Variants in MAMDC2 observed in about 807,000 individuals in gnomAD.
The protein encoded by MAMDC2 is MAM domain containing 2, also known as MAM domain-containing protein 2.
A neutral mutation model predicts 89.8 loss-of-function variants in MAMDC2; 57 were observed. The observed-to-expected ratio is 0.63, with a 90% CI of 0.51 to 0.79. The LOEUF is 0.79. MAMDC2 is among the 30% of genes least tolerant of loss of function. The pLI is 0.00. For missense variants in MAMDC2, 800 were observed against 820.6 expected (o/e 0.97, Z 0.31); for synonymous variants, 313 against 293.4 (o/e 1.07, Z -0.68).
chr9:70,139,801 A>G (rs1243959421), intron 7 of MAMDC2, among the ~76,000 whole-genome samples: 1 of 152,100 alleles, frequency 6.6e-6, no homozygotes, highest in African/African-American at 2.4e-5. Flanking sequence ...TGACTTTTTA[A>G]TGATCGCCAT....
rs2118711615 is a variant in MAMDC2 at position 70,226,897 on chromosome 9, G to A, written c.*865G>A. On this transcript the variant is annotated 3_prime_UTR_variant, in exon 14 of 14. Coordinates refer to ENST00000377182, the MANE Select transcript of MAMDC2 (RefSeq NM_153267.5). ...CTTTTATTTACTTGTTTAGAAAATT[G>A]TATATATATGTTTGTGTATCCTAAC... is the stretch of plus-strand genomic sequence containing the variant. 6.6e-6 allele frequency: 1 copy of A among 152,022 alleles called. No homozygotes were observed. The highest frequency in any genetic ancestry group is 2.4e-5 in the African/African-American group (1 of 41,504). The allele number at this position is 152,022 out of a possible 1,614,324, so 9.4% of individuals were successfully genotyped here.
chr9:70,186,337 A>G (rs1414937995), intron 11 of MAMDC2, among the ~76,000 whole-genome samples: 1 of 76,104 alleles, frequency 1.3e-5, no homozygotes, highest in East Asian at 4.4e-4. Context: ...TTTTTGGTGC[A>G]TGTCTGCTGC....
intron 11 of MAMDC2, among the ~76,000 whole-genome samples, chr9:70,182,683 T>C (rs1260580417): frequency 1.3e-5 from 2 of 152,222 alleles, no homozygotes; most frequent in Non-Finnish European, 2.9e-5. Context: ...TTTGTATTTC[T>C]GTAGGATCAG....
At chr9:70,139,390 G>A (rs2031121801) in intron 7 of MAMDC2, among the ~76,000 whole-genome samples, 1 of 147,028 alleles carries the variant, frequency 6.8e-6, no homozygotes, top group African/African-American at 2.5e-5. Context: ...TTGTCCTTGC[G>A]ATAGTTTACT....
At chr9:70,136,438 C>T (rs907053472) in intron 7 of MAMDC2, among the ~76,000 whole-genome samples, 1 of 152,164 alleles carries the variant, frequency 6.6e-6, no homozygotes, top group African/African-American at 2.4e-5. Flanking sequence ...TATCTACTCA[C>T]CTACTGAAGG....
At chr9:70,137,499 T>G (rs144931498) in intron 7 of MAMDC2, among the ~76,000 whole-genome samples, 65 of 152,284 alleles carry the variant, frequency 4.3e-4, no homozygotes, top group Middle Eastern at 3.4e-3. Context: ...AGATATGTGT[T>G]CTTCTGGACC....
At chr9:70,085,254 C>CAT (rs1309017220) in intron 2 of MAMDC2, among the ~76,000 whole-genome samples, 1 of 152,036 alleles carries the variant, frequency 6.6e-6, no homozygotes, top group African/African-American at 2.4e-5. Flanking sequence ...ACCGTGGGGG[C>CAT]ATAGACACCG....
chr9:70,194,390 T>C (rs1242228198), intron 11 of MAMDC2: 1 of 152,070 alleles, frequency 6.6e-6, no homozygotes, highest in Non-Finnish European at 1.5e-5. Context: ...CCCTTGTGAA[T>C]GGGATTGAGG....
chr9:70,217,087 T>TA lies in MAMDC2; in HGVS notation c.1652-1245dup, dbSNP rs59139022. On this transcript the variant is annotated intron_variant, in intron 11 of 13. Transcript: ENST00000377182. ...TGTTTCTGCCTGAAGCCAATAAATT[T>TA]AAAAATAGCAATAAAATAAAATTAG... 2.2e-3 allele frequency: 1,099 copies of TA among 507,414 alleles called. 7 individuals carry two copies. Among genetic ancestry groups the TA allele is most frequent in the African/African-American group, 0.02 (1,017 of 52,092 alleles). 31.4% of individuals were successfully genotyped at this position (507,414 alleles called of 1,614,324 possible).
chr9:70,141,127 G>A (rs969139107), intron 8 of MAMDC2, among the ~76,000 whole-genome samples: 1 of 152,156 alleles, frequency 6.6e-6, no homozygotes, highest in Admixed American at 6.5e-5. Flanking sequence ...GCCTGAGAAA[G>A]GCCTTGAAAG....
intron 5 of MAMDC2, among the ~76,000 whole-genome samples, chr9:70,121,780 G>C (rs1392119246): frequency 6.6e-6 from 1 of 151,478 alleles, no homozygotes; most frequent in Non-Finnish European, 1.5e-5. Flanking sequence ...CCAGATAGGA[G>C]TGTTGGGTTC....
At chr9:70,107,148 C>T (rs1311500661) in intron 2 of MAMDC2, among the ~76,000 whole-genome samples, 2 of 151,684 alleles carry the variant, frequency 1.3e-5, no homozygotes. Context: ...CAGAAAGGCC[C>T]AGGAGGTCCC....
rs1467790668 is a variant in MAMDC2 at position 70,122,757 on chromosome 9, T to G, written c.644-3402T>G. Among the ~76,000 whole-genome samples, 3 of 152,200 alleles carry G rather than the reference T, an allele frequency of 2.0e-5. No individual in the cohort carries two copies. In the East Asian group the frequency reaches 5.8e-4, roughly 29 times the overall value. On this transcript the variant is annotated intron_variant, in intron 5 of 13. Coordinates refer to ENST00000377182, the MANE Select transcript of MAMDC2 (RefSeq NM_153267.5). ...TAATAAACTAAAATGTTAAGATTAT[T>G]TTATTTATTTTTATTTTTTTTATGG...
At chr9:70,188,762 A>ATTTAT (rs563973982) in intron 11 of MAMDC2, 1 of 95,148 alleles carries the variant, frequency 1.1e-5, no homozygotes, top group Non-Finnish European at 1.8e-5. Context: ...AAAACAATTG[A>ATTTAT]TTTTTTTTTT....
At chr9:70,211,068 C>G (rs1402855715) in intron 11 of MAMDC2, among the ~76,000 whole-genome samples, 2 of 152,182 alleles carry the variant, frequency 1.3e-5, no homozygotes, top group African/African-American at 4.8e-5. Flanking sequence ...ATTTTTCCTC[C>G]ATTTCCACTT....
chr9:70,064,265 C>A (rs934748852), intron 2 of MAMDC2, among the ~76,000 whole-genome samples: 3 of 152,012 alleles, frequency 2.0e-5, no homozygotes, highest in African/African-American at 7.3e-5. Context: ...TGTGCCCCAT[C>A]ACCCGAGCAG....
intron 2 of MAMDC2, among the ~76,000 whole-genome samples, chr9:70,077,773 G>C (rs1827565276): frequency 6.6e-6 from 1 of 152,104 alleles, no homozygotes; most frequent in Non-Finnish European, 1.5e-5. Context: ...CTTTCTTATT[G>C]GTTTTCATGA....
chr9:70,189,414 C>G (rs1056148717), intron 11 of MAMDC2, among the ~76,000 whole-genome samples: 3 of 152,036 alleles, frequency 2.0e-5, no homozygotes, highest in Admixed American at 6.6e-5. Context: ...TATTGAGGTT[C>G]TCTTGTATAT....
chr9:70,179,156 C>A (rs898782661), intron 11 of MAMDC2, among the ~76,000 whole-genome samples: 6 of 151,764 alleles, frequency 4.0e-5, no homozygotes, highest in Non-Finnish European at 8.8e-5. Context: ...TACCCACCAA[C>A]TTTATCAAAA....
Sources: allele counts gnomAD v4.1 joint callset (sites outside exome capture counted in the v4.1 genomes callset), GRCh38; gene constraint gnomAD v4.1.1; transcripts MANE v1.5; gene names NCBI Gene and HGNC (gene_info 2026-07-23, HGNC 2026-07-21).